The following C2orf49 variants were observed in gnomAD, a reference collection of about 807,000 sequenced individuals.
The protein encoded by C2orf49 is tRNA-splicing ligase complex subunit ASW.
Under a neutral mutation model 20.6 loss-of-function variants are expected in C2orf49, and 11 were observed. That is an observed-to-expected ratio of 0.53 (90% CI 0.34 to 0.88). C2orf49 has a LOEUF of 0.88. Ranked by LOEUF, C2orf49 falls within the 40% of genes least tolerant of loss-of-function variation. C2orf49 has a pLI of 0.02. For synonymous variants in C2orf49, 134 were observed against 108.5 expected (o/e 1.24, Z -1.46); for missense variants, 289 against 274.2 (o/e 1.05, Z -0.38).
chr2:105,365,657 A>G, the C2orf49 span, among the ~76,000 whole-genome samples: 7 of 150,856 alleles, frequency 4.6e-5, no homozygotes, highest in Non-Finnish European at 1.5e-5. Context: ...CAACAAAGTG[A>G]GACACCGTCT....
At chr2:105,351,319 C>T (rs1409080706), downstream of C2orf49, among the ~76,000 whole-genome samples, 1 of 120,664 alleles carries the variant, frequency 8.3e-6, no homozygotes, top group Non-Finnish European at 1.9e-5. Context: ...CCGCGCCCCC[C>T]CCCCCCCAAA....
the C2orf49 span, among the ~76,000 whole-genome samples, chr2:105,377,141 G>C: frequency 6.6e-6 from 1 of 152,160 alleles, no homozygotes. Flanking sequence ...ACTCCCACAT[G>C]CTTAGCATTC....
the C2orf49 span, among the ~76,000 whole-genome samples, chr2:105,365,285 C>G: frequency 2.0e-5 from 3 of 152,158 alleles, no homozygotes; most frequent in African/African-American, 7.2e-5. Flanking sequence ...ACCTAGACTA[C>G]AGTTAAGTGT....
rs1334111844 is a variant in C2orf49, at chr2:105,347,174, A to G, written c.*1803A>G. 2 of 152,230 alleles carry G rather than the reference A, an allele frequency of 1.3e-5. No homozygotes were observed. The highest frequency in any genetic ancestry group is 4.8e-5 in the African/African-American group (2 of 41,462). 9.4% of individuals were successfully genotyped at this position (152,230 alleles called of 1,614,324 possible). The stretch of plus-strand genomic sequence containing the variant: ...AATCTGTACACATAAGATAAAACAT[A>G]CTAAGTATTGCATAAATTGTTAACG... On this transcript the variant is annotated 3_prime_UTR_variant, in exon 4 of 4. Transcript: ENST00000258457.
At chr2:105,349,996 T>A (rs2104459150), downstream of C2orf49, among the ~76,000 whole-genome samples, 1 of 152,274 alleles carries the variant, frequency 6.6e-6, no homozygotes, top group African/African-American at 2.4e-5. Flanking sequence ...GACTTCTGCT[T>A]GCAGCCATGT....
the C2orf49 span, among the ~76,000 whole-genome samples, chr2:105,369,899 G>A: frequency 6.6e-6 from 1 of 152,200 alleles, no homozygotes; most frequent in South Asian, 2.1e-4. Context: ...GGAGCCTCAG[G>A]GACATGGCGC....
the C2orf49 span, among the ~76,000 whole-genome samples, chr2:105,366,905 C>A: frequency 1.3e-5 from 2 of 152,016 alleles, no homozygotes; most frequent in African/African-American, 2.4e-5. Flanking sequence ...GCCACCACAC[C>A]CAGCTAAGTT....
At position 105,343,141 on chromosome 2, in the gene C2orf49, T is replaced by C; in HGVS notation, c.560T>C (p.Val187Ala). The stretch of plus-strand genomic sequence containing the variant: ...CATAGGAAAAGTCCTTCAGGCCCTG[T>C]GAAGTCGCCACCATTGTCCCCTGTT... ...LTHRKSPSGPVKSPPLSPVGT... is the reference protein window; with the variant it reads ...LTHRKSPSGPAKSPPLSPVGT... The change falls in exon 3 of 4, where the codon GTG (valine) becomes GCG (alanine). Residue 187 changes from valine to alanine, a missense_variant. Transcript: ENST00000258457. 1 of 1,614,188 alleles carries C rather than the reference T, an allele frequency of 6.2e-7. No homozygotes were observed. The highest frequency in any genetic ancestry group is 8.5e-7 in the Non-Finnish European group (1 of 1,180,032).
downstream of C2orf49, among the ~76,000 whole-genome samples, chr2:105,349,705 A>G (rs1220638051): frequency 6.6e-6 from 1 of 152,228 alleles, no homozygotes; most frequent in Non-Finnish European, 1.5e-5. Flanking sequence ...AATGGTAGAA[A>G]GTAAAACAGG....
At chr2:105,374,006 G>A in the C2orf49 span, 1 of 475,880 alleles carries the variant, frequency 2.1e-6, no homozygotes. Context: ...AAAAACAAAG[G>A]GATTTCCCTT....
At chr2:105,341,870 T>C (rs952967824) in intron 2 of C2orf49, among the ~76,000 whole-genome samples, 4 of 152,200 alleles carry the variant, frequency 2.6e-5, no homozygotes, top group African/African-American at 9.7e-5. Flanking sequence ...TCTTTTAACA[T>C]GTTTAATTAA....
chr2:105,359,860 A>T, the C2orf49 span: 2 of 152,168 alleles, frequency 1.3e-5, no homozygotes, highest in Non-Finnish European at 2.9e-5. Flanking sequence ...CTTTCACTTT[A>T]TGGAAGTCGG....
the C2orf49 span, among the ~76,000 whole-genome samples, chr2:105,364,628 G>A: frequency 6.6e-6 from 1 of 152,226 alleles, no homozygotes; most frequent in African/African-American, 2.4e-5. Flanking sequence ...AGAGAGGAGT[G>A]TAGGTGGCCT....
At chr2:105,375,538 T>G in the C2orf49 span, 1 of 152,412 alleles carries the variant, frequency 6.6e-6, no homozygotes. Context: ...CTTGGGAAGC[T>G]GAGGCAGGAG....
chr2:105,369,062 T>C, the C2orf49 span, among the ~76,000 whole-genome samples: 22 of 152,306 alleles, frequency 1.4e-4, no homozygotes, highest in Middle Eastern at 6.8e-3. Context: ...AGTTGAGTAG[T>C]TGTGACAGAG....
chr2:105,366,009 C>T, the C2orf49 span, among the ~76,000 whole-genome samples: 6 of 151,852 alleles, frequency 4.0e-5, no homozygotes, highest in Non-Finnish European at 5.9e-5. Flanking sequence ...GTTCCGAGAT[C>T]AGCCTGGCCA....
the C2orf49 span, among the ~76,000 whole-genome samples, chr2:105,382,766 G>A: frequency 6.6e-6 from 1 of 152,142 alleles, no homozygotes; most frequent in Admixed American, 6.5e-5. Flanking sequence ...TCATGGCATT[G>A]CTTGCAGACC....
chr2:105,349,393 C>A (rs1410070933), downstream of C2orf49, among the ~76,000 whole-genome samples: 2 of 152,176 alleles, frequency 1.3e-5, no homozygotes, highest in Non-Finnish European at 2.9e-5. Flanking sequence ...GCACACCCAG[C>A]TTCTACTTTG....
chr2:105,361,500 G>A, the C2orf49 span: 2 of 1,454,330 alleles, frequency 1.4e-6, no homozygotes, highest in Non-Finnish European at 1.9e-6. Flanking sequence ...GACTGAAGAA[G>A]GAATTCTGGT....
Sources: gnomAD v4.1 joint callset for allele counts (sites outside exome capture counted in the v4.1 genomes callset) on GRCh38, gnomAD v4.1.1 for gene constraint, MANE v1.5 for transcripts, NCBI Gene and HGNC (gene_info 2026-07-23, HGNC 2026-07-21) for gene names.